Variants in PBX1 observed in about 807,000 individuals in gnomAD.
The protein encoded by PBX1 is PBX homeobox 1, also known as pre-B-cell leukemia transcription factor 1.
In PBX1, 6 loss-of-function variants were observed where a neutral mutation model predicts 53.4. The observed-to-expected ratio is 0.11, with a 90% confidence interval of 0.06 to 0.22. PBX1 has a LOEUF of 0.22. Among genes scored for constraint, PBX1 ranks in the 10% least tolerant of loss-of-function variants. The pLI is 1.00. For synonymous variants in PBX1, 204 were observed against 212.3 expected (o/e 0.96, Z 0.34); for missense variants, 251 against 551.4 (o/e 0.46, Z 5.46).
At chr1:164,675,462 G>A (rs958246643) in intron 2 of PBX1, among the ~76,000 whole-genome samples, 3 of 152,044 alleles carry the variant, frequency 2.0e-5, no homozygotes, top group African/African-American at 7.2e-5. Context: ...CTCTCTGGGG[G>A]AGGCAGCAGT....
chr1:164,680,445 A>T (rs1661693053), intron 2 of PBX1: 1 of 152,140 alleles, frequency 6.6e-6, no homozygotes, highest in South Asian at 2.1e-4. Flanking sequence ...ACCTGAGTAT[A>T]TTGTGTGATG....
At chr1:164,758,949 C>A (rs1666668123) in intron 2 of PBX1, among the ~76,000 whole-genome samples, 1 of 152,066 alleles carries the variant, frequency 6.6e-6, no homozygotes, top group Admixed American at 6.6e-5. Context: ...CAAGCAAAGG[C>A]AGGAAAAACA....
chr1:164,726,967 A>G (rs949954750), intron 2 of PBX1, among the ~76,000 whole-genome samples: 1 of 152,154 alleles, frequency 6.6e-6, no homozygotes, highest in Non-Finnish European at 1.5e-5. Flanking sequence ...GCAGGAAGAA[A>G]CCTTCGCTTT....
At chr1:164,624,005 T>C (rs917741192) in intron 2 of PBX1, among the ~76,000 whole-genome samples, 1 of 152,024 alleles carries the variant, frequency 6.6e-6, no homozygotes, top group Admixed American at 6.6e-5. Context: ...AGGAAGTGTG[T>C]ATTGGGGGTG....
At chr1:164,823,626 G>GA (rs1441798553) in intron 8 of PBX1, among the ~76,000 whole-genome samples, 1 of 124,242 alleles carries the variant, frequency 8.0e-6, no homozygotes, top group East Asian at 2.8e-4. Context: ...GTGGGGGGGG[G>GA]GGTCAACACT....
intron 2 of PBX1, among the ~76,000 whole-genome samples, chr1:164,634,479 T>C (rs1658612893): frequency 6.6e-6 from 1 of 152,230 alleles, no homozygotes; most frequent in Non-Finnish European, 1.5e-5. Context: ...CTTTTTGAGC[T>C]TGGGGTACCG....
intron 2 of PBX1, among the ~76,000 whole-genome samples, chr1:164,636,308 A>C (rs773989482): frequency 3.3e-5 from 5 of 152,124 alleles, no homozygotes; most frequent in Admixed American, 3.3e-4. Context: ...GAGTCTGAAC[A>C]AGGCTATTTT....
intron 2 of PBX1, among the ~76,000 whole-genome samples, chr1:164,716,598 T>C (rs1245017872): frequency 6.6e-6 from 1 of 151,802 alleles, no homozygotes; most frequent in East Asian, 1.9e-4. Flanking sequence ...CTCACGCCTG[T>C]AATGCCAACA....
chr1:164,603,929 A>ATTTTTGTTTTTTTTTTTTTT (rs1656369965), intron 2 of PBX1, among the ~76,000 whole-genome samples: 1 of 75,742 alleles, frequency 1.3e-5, no homozygotes, highest in Non-Finnish European at 2.3e-5. Context: ...ATGTCATTTC[A>ATTTTTGTTTTTTTTTTTTTT]TTTTTTTTTT....
At chr1:164,735,745 C>T (rs765962431) in intron 2 of PBX1, among the ~76,000 whole-genome samples, 10 of 152,044 alleles carry the variant, frequency 6.6e-5, no homozygotes, top group Admixed American at 2.6e-4. Flanking sequence ...TTCAACATTC[C>T]GGGGTATCCT....
intron 2 of PBX1, among the ~76,000 whole-genome samples, chr1:164,870,622 G>C (rs1416904353): frequency 6.6e-6 from 1 of 152,084 alleles, no homozygotes; most frequent in African/African-American, 2.4e-5. Flanking sequence ...GGGATTACAG[G>C]CATGAGCCAC....
At chr1:164,872,721 A>G (rs1007491737) in intron 2 of PBX1, among the ~76,000 whole-genome samples, 9 of 152,204 alleles carry the variant, frequency 5.9e-5, no homozygotes, top group Non-Finnish European at 1.0e-4. Flanking sequence ...AATGCTCCCA[A>G]GGCTTTTTTC....
chr1:164,724,321 T>G (rs959662359), intron 2 of PBX1, among the ~76,000 whole-genome samples: 3 of 152,180 alleles, frequency 2.0e-5, no homozygotes, highest in African/African-American at 7.2e-5. Flanking sequence ...CTCTCTCATA[T>G]ATGTATGTCA....
intron 2 of PBX1, among the ~76,000 whole-genome samples, chr1:164,634,983 G>A (rs1402801872): frequency 6.6e-6 from 1 of 151,702 alleles, no homozygotes; most frequent in Non-Finnish European, 1.5e-5. Flanking sequence ...GGCAATTGTG[G>A]GCAGGAGTTA....
At chr1:164,781,012 G>A (rs1216332465) in intron 2 of PBX1, among the ~76,000 whole-genome samples, 1 of 152,180 alleles carries the variant, frequency 6.6e-6, no homozygotes, top group Non-Finnish European at 1.5e-5. Context: ...TTGCCTGTGT[G>A]TTCCGTGGCT....
At chr1:164,570,586 T>C (rs1452450048) in intron 2 of PBX1, among the ~76,000 whole-genome samples, 6 of 152,246 alleles carry the variant, frequency 3.9e-5, no homozygotes, top group African/African-American at 1.4e-4. Flanking sequence ...ATGTGCCACA[T>C]TTTCTTTATG....
chr1:164,695,152 T>C (rs1208554812), intron 2 of PBX1, among the ~76,000 whole-genome samples: 6 of 152,218 alleles, frequency 3.9e-5, no homozygotes, highest in African/African-American at 7.2e-5. Context: ...TTTAAAATTT[T>C]AAGCTAAGTC....
rs115320968 is a variant in PBX1 at position 164,759,576 on chromosome 1, C to T, written c.266-32918C>T. On this transcript the variant is annotated intron_variant, in intron 2 of 8. Coordinates refer to ENST00000420696, the MANE Select transcript of PBX1 (RefSeq NM_002585.4). The stretch of plus-strand genomic sequence containing the variant: ...TGCTTTGACATTGAATCCACCCCTA[C>T]ATGTAACAGTAATTGCAGGGCCTAG... Among the ~76,000 whole-genome samples the T allele has an allele frequency of 3.1e-3, 479 of 152,292 alleles. 2 individuals carry two copies. Among genetic ancestry groups the T allele is most frequent in the African/African-American group, 0.011 (456 of 41,574 alleles).
intron 1 of PBX1, 92 bp downstream of exon 1, chr1:164,560,105 C>T: frequency 1.1e-6 from 1 of 949,168 alleles, no homozygotes; most frequent in Non-Finnish European, 1.5e-6. Flanking sequence ...CACCACAGCG[C>T]TTTTTTTGAA....
Sources: allele counts gnomAD v4.1 joint callset (sites outside exome capture counted in the v4.1 genomes callset), GRCh38; gene constraint gnomAD v4.1.1; transcripts MANE v1.5; gene names NCBI Gene and HGNC (gene_info 2026-07-23, HGNC 2026-07-21).